GALNT13: variants seen among roughly 807,000 people sequenced by gnomAD.
GALNT13 encodes the protein UDP-GalNAc:polypeptide N-acetylgalactosaminyltransferase 13.
A neutral mutation model predicts 64.2 loss-of-function variants in GALNT13; 28 were observed. The ratio of observed to expected loss-of-function variants is 0.44; its 90% CI spans 0.32 to 0.60. The LOEUF (loss-of-function observed/expected upper bound fraction) is 0.60. Ranked by LOEUF, GALNT13 falls within the 20% of genes least tolerant of loss-of-function variation. GALNT13 has a pLI of 0.05. For missense variants in GALNT13, 577 were observed against 669.8 expected (o/e 0.86, Z 1.53); for synonymous variants, 214 against 224.6 (o/e 0.95, Z 0.42).
intron 4 of GALNT13, among the ~76,000 whole-genome samples, chr2:154,188,048 C>CT: frequency 1.3e-5 from 2 of 148,570 alleles, no homozygotes; most frequent in Non-Finnish European, 1.5e-5. Context: ...CTCTCTCTCT[C>CT]CTGTTTTTCT....
At chr2:154,342,308 T>C (rs960389911) in intron 9 of GALNT13, among the ~76,000 whole-genome samples, 7 of 152,050 alleles carry the variant, frequency 4.6e-5, no homozygotes, top group African/African-American at 1.7e-4. Context: ...ATAAAAGAGT[T>C]AATTCACCTC....
the GALNT13 span, among the ~76,000 whole-genome samples, chr2:153,483,091 G>A: frequency 6.6e-6 from 1 of 152,176 alleles, no homozygotes; most frequent in African/African-American, 2.4e-5. Context: ...TGCTAAGGAT[G>A]TGGAGAAATT....
the GALNT13 span, among the ~76,000 whole-genome samples, chr2:153,085,509 A>G: frequency 1.3e-5 from 2 of 152,114 alleles, no homozygotes; most frequent in Non-Finnish European, 2.9e-5. Flanking sequence ...ACCTGTGGCA[A>G]AAAAAGCACC....
rs1485211705 is a variant in GALNT13 at position 154,150,819 on chromosome 2, T to C, written c.311+10314T>C. Among the ~76,000 whole-genome samples, 6 of 152,312 alleles carry C rather than the reference T, an allele frequency of 3.9e-5. No homozygotes were observed. In the Middle Eastern group the frequency reaches 0.01, roughly 259 times the overall value. ...ATTGCGTCTATTTGATTCTTCTCTC[T>C]TTTCTTCTTTATTAGTCTTGCTAGC... On this transcript the variant is annotated intron_variant, in intron 4 of 12. Coordinates refer to ENST00000392825, the MANE Select transcript of GALNT13 (RefSeq NM_052917.4).
intron 3 of GALNT13, among the ~76,000 whole-genome samples, chr2:154,083,370 G>T (rs940533934): frequency 6.6e-6 from 1 of 151,852 alleles, no homozygotes; most frequent in Non-Finnish European, 1.5e-5. Flanking sequence ...TGTTCTTTTT[G>T]CTTAGGATTG....
intron 3 of GALNT13, among the ~76,000 whole-genome samples, chr2:153,997,462 C>CTTTTTTTTTTTTTTTTTTTTTT (rs1558897621): frequency 6.6e-6 from 1 of 151,636 alleles, no homozygotes; most frequent in African/African-American, 2.4e-5. Context: ...TTCTTGATTT[C>CTTTTTTTTTTTTTTTTTTTTTT]TTTTTTACAT....
At chr2:154,012,897 A>G (rs751774489) in intron 3 of GALNT13, among the ~76,000 whole-genome samples, 2 of 151,792 alleles carry the variant, frequency 1.3e-5, no homozygotes, top group East Asian at 1.9e-4. Flanking sequence ...TTGTTTTTCA[A>G]TTCTATCAGA....
At chr2:153,586,377 AAGTT>A in the GALNT13 span, among the ~76,000 whole-genome samples, 1 of 152,204 alleles carries the variant, frequency 6.6e-6, no homozygotes, top group East Asian at 1.9e-4. Flanking sequence ...TGGAAACTGA[AAGTT>A]AGCAGGAATA....
chr2:154,110,977 G>A (rs993861729), intron 3 of GALNT13, among the ~76,000 whole-genome samples: 1 of 152,052 alleles, frequency 6.6e-6, no homozygotes, highest in Non-Finnish European at 1.5e-5. Flanking sequence ...CTGATATAAA[G>A]TCAATAAATC....
the GALNT13 span, among the ~76,000 whole-genome samples, chr2:153,085,096 A>G: frequency 6.6e-6 from 1 of 152,198 alleles, no homozygotes; most frequent in African/African-American, 2.4e-5. Flanking sequence ...CTATGCAAAG[A>G]GACTGGCACA....
At chr2:154,264,361 C>G (rs1192668798) in intron 8 of GALNT13, among the ~76,000 whole-genome samples, 1 of 151,636 alleles carries the variant, frequency 6.6e-6, no homozygotes, top group East Asian at 1.9e-4. Context: ...GTGGCTCATG[C>G]CTGTAATCCC....
At chr2:154,315,289 A>G (rs1243383371) in intron 9 of GALNT13, among the ~76,000 whole-genome samples, 1 of 152,202 alleles carries the variant, frequency 6.6e-6, no homozygotes, top group Non-Finnish European at 1.5e-5. Flanking sequence ...TACTTATTAG[A>G]TATCTTTATC....
At chr2:154,105,998 A>G (rs1000340918) in intron 3 of GALNT13, among the ~76,000 whole-genome samples, 7 of 152,072 alleles carry the variant, frequency 4.6e-5, no homozygotes, top group African/African-American at 1.7e-4. Context: ...AACTAAAGAG[A>G]CTTATGTTAG....
At chr2:153,658,419 G>A in the GALNT13 span, among the ~76,000 whole-genome samples, 1 of 152,048 alleles carries the variant, frequency 6.6e-6, no homozygotes, top group African/African-American at 2.4e-5. Context: ...ATGTGGTTAA[G>A]CATATTTTTA....
intron 9 of GALNT13, among the ~76,000 whole-genome samples, chr2:154,349,127 G>C (rs1353021675): frequency 6.6e-6 from 1 of 152,128 alleles, no homozygotes; most frequent in Non-Finnish European, 1.5e-5. Flanking sequence ...CTCCACAAAT[G>C]TCCACATGAG....
the GALNT13 span, among the ~76,000 whole-genome samples, chr2:153,465,094 A>C: frequency 2.0e-5 from 3 of 152,152 alleles, no homozygotes; most frequent in Non-Finnish European, 2.9e-5. Context: ...AGGATCAATC[A>C]GCATTCAGAA....
the GALNT13 span, among the ~76,000 whole-genome samples, chr2:153,730,289 A>G: frequency 1.3e-5 from 2 of 152,022 alleles, no homozygotes; most frequent in African/African-American, 2.4e-5. Context: ...AAAGCCACAC[A>G]TCTACAACCA....
the GALNT13 span, among the ~76,000 whole-genome samples, chr2:153,830,592 A>G: frequency 2.4e-4 from 37 of 152,084 alleles, no homozygotes; most frequent in African/African-American, 8.0e-4. Context: ...AAGAGGCTTA[A>G]TTTTTATATG....
At chr2:154,086,346 T>A (rs12613244) in intron 3 of GALNT13, among the ~76,000 whole-genome samples, 45,739 of 147,860 alleles carry the variant, frequency 0.31, 9,352 homozygotes, top group East Asian at 0.83. Context: ...ATAGCAATTA[T>A]AGGCATCACA....
Sources: allele counts gnomAD v4.1 joint callset (sites outside exome capture counted in the v4.1 genomes callset), GRCh38; gene constraint gnomAD v4.1.1; transcripts MANE v1.5; gene names NCBI Gene and HGNC (gene_info 2026-07-23, HGNC 2026-07-21).